The following MYT1L variants were observed in gnomAD, a reference collection of about 807,000 sequenced individuals.
MYT1L encodes the protein myelin transcription factor 1 like, also known as myelin transcription factor 1-like protein.
In MYT1L, 12 loss-of-function variants were observed where a neutral mutation model predicts 126.7. The ratio of observed to expected loss-of-function variants is 0.09; its 90% CI spans 0.06 to 0.15. The LOEUF (loss-of-function observed/expected upper bound fraction) is 0.15. Among genes scored for constraint, MYT1L ranks in the 10% least tolerant of loss-of-function variants. The pLI, the probability that MYT1L is intolerant of heterozygous loss-of-function variation, is 1.00. For missense variants in MYT1L, 979 were observed against 1,585.2 expected, an observed-to-expected ratio of 0.62 and a Z score of 6.49; for synonymous variants, 541 against 604.2, an observed-to-expected ratio of 0.90 and a Z score of 1.53.
At chr2:2,007,249 C>T (rs1038622339) in intron 4 of MYT1L, among the ~76,000 whole-genome samples, 3 of 152,110 alleles carry the variant, frequency 2.0e-5, no homozygotes, top group Non-Finnish European at 4.4e-5. Flanking sequence ...TACTGTTTTT[C>T]ATAATGGCTG....
At position 2,080,979 on chromosome 2, in the gene MYT1L, G is replaced by A. The variant is rs553521035; in HGVS notation, c.-303-26856C>T. Reference sequence around the variant, plus strand: ...AGGCAAATTCACAGAGACAAAAAGTGGACTGTAACTGTCAAGGGCTGCTGG... The same window carrying A: ...AGGCAAATTCACAGAGACAAAAAGTAGACTGTAACTGTCAAGGGCTGCTGG... On this transcript the variant is annotated intron_variant, in intron 3 of 24. Coordinates refer to ENST00000647738, the MANE Select transcript of MYT1L (RefSeq NM_001303052.2). Among the ~76,000 whole-genome samples the A allele has an allele frequency of 3.9e-5, 6 of 152,270 alleles. No homozygotes were observed. The East Asian group carries it at 9.6e-4, about 24-fold the overall frequency.
Position 2,224,498 on chromosome 2 carries a change from T to C in MYT1L, c.-420-51510A>G, listed in dbSNP as rs2093959260. ...TTAGGTTCAGCCTCATCGCACCCCA[T>C]GCCATAACTATTTTTCCCATTAAGA... On this transcript the variant is annotated intron_variant, in intron 2 of 24. Coordinates refer to ENST00000647738, the MANE Select transcript of MYT1L (RefSeq NM_001303052.2). The surrounding 1 kb of genome is among the most constrained non-coding windows in gnomAD (Gnocchi z 4.0). Among the ~76,000 whole-genome samples, 1 of 152,094 alleles carries C rather than the reference T, an allele frequency of 6.6e-6. No individual in the cohort carries two copies. Among genetic ancestry groups the C allele is most frequent in the Non-Finnish European group, 1.5e-5 (1 of 68,016 alleles).
chr2:2,186,774 T>C (rs567775766), intron 2 of MYT1L, among the ~76,000 whole-genome samples: 24 of 152,362 alleles, frequency 1.6e-4, no homozygotes, highest in Admixed American at 1.6e-3. Flanking sequence ...GAATAAACTC[T>C]TAAATTCCAA....
chr2:2,317,645 G>A (rs1445218100), intron 1 of MYT1L, among the ~76,000 whole-genome samples: 2 of 152,134 alleles, frequency 1.3e-5, no homozygotes, highest in Admixed American at 1.3e-4. Flanking sequence ...TTAATATTAG[G>A]TAAAAATATC....
At chr2:1,794,524 G>A (rs1000222230) in intron 23 of MYT1L, among the ~76,000 whole-genome samples, 4 of 152,178 alleles carry the variant, frequency 2.6e-5, no homozygotes, top group Admixed American at 6.5e-5. Flanking sequence ...CTGCTCCCCC[G>A]GCTTAGCGGA....
intron 2 of MYT1L, among the ~76,000 whole-genome samples, chr2:2,256,062 C>T (rs1648273961): frequency 6.6e-6 from 1 of 152,196 alleles, no homozygotes; most frequent in Non-Finnish European, 1.5e-5. Flanking sequence ...GACCTTGCCA[C>T]AGGTGGAGAT....
intron 2 of MYT1L, among the ~76,000 whole-genome samples, chr2:2,257,306 A>C (rs1219705388): frequency 1.3e-5 from 2 of 152,194 alleles, no homozygotes; most frequent in Non-Finnish European, 2.9e-5. Flanking sequence ...CTCATATTGG[A>C]AATGACTGAC....
chr2:1,937,209 AC>A (rs1225663388), intron 9 of MYT1L, among the ~76,000 whole-genome samples: 3 of 151,782 alleles, frequency 2.0e-5, no homozygotes, highest in Non-Finnish European at 4.4e-5. Context: ...GACTCCCCTG[AC>A]CCCCACATCG....
intron 8 of MYT1L, among the ~76,000 whole-genome samples, chr2:1,945,587 C>G (rs1453162511): frequency 6.6e-6 from 1 of 152,108 alleles, no homozygotes; most frequent in African/African-American, 2.4e-5. Flanking sequence ...AGATGTTCAA[C>G]CTTATACATT....
chr2:2,006,361 C>T (rs376141901), intron 4 of MYT1L, among the ~76,000 whole-genome samples: 11 of 152,126 alleles, frequency 7.2e-5, no homozygotes, highest in Middle Eastern at 3.2e-3. Context: ...ATCTCAGTTA[C>T]TTTTTTGTGA....
chr2:2,152,443 A>T (rs2148323329), intron 3 of MYT1L, among the ~76,000 whole-genome samples: 1 of 152,382 alleles, frequency 6.6e-6, no homozygotes, highest in Middle Eastern at 3.4e-3. Flanking sequence ...ACCAGAAACT[A>T]GGGGAGAATA....
intron 23 of MYT1L, among the ~76,000 whole-genome samples, chr2:1,794,497 A>G (rs1419269811): frequency 6.6e-6 from 1 of 152,244 alleles, no homozygotes; most frequent in Non-Finnish European, 1.5e-5. Context: ...AGGGGCCCAG[A>G]GTAAACGGAA....
chr2:1,930,800 T>C (rs965091522), intron 9 of MYT1L, among the ~76,000 whole-genome samples: 1 of 152,200 alleles, frequency 6.6e-6, no homozygotes, highest in Non-Finnish European at 1.5e-5. Flanking sequence ...GGTTCGGGGG[T>C]CCATGTGCAG....
chr2:2,299,293 G>T (rs771575474), intron 1 of MYT1L, among the ~76,000 whole-genome samples: 18 of 152,232 alleles, frequency 1.2e-4, no homozygotes, highest in Non-Finnish European at 5.9e-5. Context: ...CCTGACAGCA[G>T]CCTGTGCCAT....
At chr2:1,879,910 A>T (rs2047331080) in intron 18 of MYT1L, among the ~76,000 whole-genome samples, 1 of 152,218 alleles carries the variant, frequency 6.6e-6, no homozygotes, top group Non-Finnish European at 1.5e-5. Context: ...GTTTGTATTA[A>T]ATGTTTCATA....
intron 19 of MYT1L, among the ~76,000 whole-genome samples, chr2:1,843,391 G>C (rs1558730281): frequency 1.3e-5 from 2 of 152,170 alleles, no homozygotes; most frequent in Non-Finnish European, 2.9e-5. Context: ...AACCAAGGGG[G>C]GAATTACGGT....
intron 1 of MYT1L, among the ~76,000 whole-genome samples, chr2:2,322,669 T>G (rs2096189242): frequency 6.6e-6 from 1 of 151,640 alleles, no homozygotes; most frequent in Admixed American, 6.6e-5. Flanking sequence ...GAGAAGGGGC[T>G]TTCAGGGATC....
Position 1,892,215 on chromosome 2 carries a change from TTGCTGCTGCTGCTGGGCGCGTAGC to T in MYT1L, c.2081_2104del (p.Ser694_Ser701del). 2 of 1,549,886 alleles carry T rather than the reference TTGCTGCTGCTGCTGGGCGCGTAGC, an allele frequency of 1.3e-6. No homozygotes were observed. Among genetic ancestry groups the T allele is most frequent in the Non-Finnish European group, 1.7e-6 (2 of 1,146,288 alleles). ...GCTGCTGCCCCCGCCGCAGCTCAGGTTGCTGCTGCTGCTGGGCGCGTAGCTGCTGGTGCTGCTGCTGCTGGGGCT... is the reference window on the plus strand; with the variant it reads ...GCTGCTGCCCCCGCCGCAGCTCAGGTTGCTGGTGCTGCTGCTGCTGGGGCT... On this transcript the variant is annotated inframe_deletion, in exon 15 of 25. Coordinates refer to ENST00000647738, the MANE Select transcript of MYT1L (RefSeq NM_001303052.2).
chr2:2,142,277 G>T (rs567171779), intron 3 of MYT1L, among the ~76,000 whole-genome samples: 2 of 152,132 alleles, frequency 1.3e-5, no homozygotes, highest in African/African-American at 4.8e-5. Flanking sequence ...GCTTAAGGAC[G>T]CAGTGGATGT....
Sources: allele counts gnomAD v4.1 joint callset (sites outside exome capture counted in the v4.1 genomes callset), GRCh38; gene constraint gnomAD v4.1.1; non-coding constraint Gnocchi (gnomAD v3.1); transcripts MANE v1.5; gene names NCBI Gene and HGNC (gene_info 2026-07-23, HGNC 2026-07-21).